FAF1: variants seen among roughly 807,000 people sequenced by gnomAD.
The protein encoded by FAF1 is FAS-associated factor 1.
In FAF1, 25 loss-of-function variants were observed where a neutral mutation model predicts 92.5. That is an observed-to-expected ratio of 0.27 (90% CI 0.20 to 0.38). The LOEUF (loss-of-function observed/expected upper bound fraction) is 0.38. Ranked by LOEUF, FAF1 falls within the 10% of genes least tolerant of loss-of-function variation. FAF1 has a pLI of 1.00. For missense variants in FAF1, 636 were observed against 793.3 expected (o/e 0.80, Z 2.38); for synonymous variants, 234 against 273.2 (o/e 0.86, Z 1.42).
chr1:50,809,718 T>C (rs1569983698), intron 2 of FAF1, among the ~76,000 whole-genome samples: 1 of 152,174 alleles, frequency 6.6e-6, no homozygotes, highest in African/African-American at 2.4e-5. Context: ...CCATTCTTAG[T>C]GAAACTATTC....
At chr1:50,720,478 C>T (rs1658362278) in intron 6 of FAF1, among the ~76,000 whole-genome samples, 1 of 152,116 alleles carries the variant, frequency 6.6e-6, no homozygotes, top group Non-Finnish European at 1.5e-5. Context: ...GTTCTAATTA[C>T]AATACTGATA....
chr1:50,864,746 A>C (rs1234626869), intron 1 of FAF1, among the ~76,000 whole-genome samples: 2 of 152,176 alleles, frequency 1.3e-5, no homozygotes, highest in Admixed American at 1.3e-4. Context: ...CCTAGAAGAA[A>C]ACCTAGGCAT....
chr1:50,642,167 C>T (rs1172836913), intron 8 of FAF1, among the ~76,000 whole-genome samples: 1 of 147,002 alleles, frequency 6.8e-6, no homozygotes, highest in African/African-American at 2.5e-5. Context: ...TGTGCCACTG[C>T]ACTTCAGCCT....
At chr1:50,951,137 G>A (rs1000063780) in intron 1 of FAF1, among the ~76,000 whole-genome samples, 1 of 152,226 alleles carries the variant, frequency 6.6e-6, no homozygotes, top group Non-Finnish European at 1.5e-5. Flanking sequence ...AGGAGGCTAA[G>A]GCAGGAGAAC....
At chr1:50,500,034 GATAA>G (rs1646964572) in intron 15 of FAF1, among the ~76,000 whole-genome samples, 2 of 152,110 alleles carry the variant, frequency 1.3e-5, no homozygotes, top group Non-Finnish European at 2.9e-5. Flanking sequence ...TAAATGGAGA[GATAA>G]ATAAGTCATT....
rs985747917 is a variant in FAF1 at position 50,642,329 on chromosome 1, G to A, written c.744+13113C>T. Among the ~76,000 whole-genome samples the A allele has an allele frequency of 3.3e-5, 5 of 151,834 alleles. No homozygotes were observed. The South Asian group carries it at 1.0e-3, about 32-fold the overall frequency. ...CTTGTTTAGTGGAAGAATGTTAAAAGTAGATCAACCTATTGTTCTCATTTA... is the reference window on the plus strand; with the variant it reads ...CTTGTTTAGTGGAAGAATGTTAAAAATAGATCAACCTATTGTTCTCATTTA... On this transcript the variant is annotated intron_variant, in intron 8 of 18. Transcript: ENST00000396153.
chr1:50,727,816 GCTCCAAGTTCAGA>G (rs1658726194), intron 6 of FAF1, among the ~76,000 whole-genome samples: 1 of 152,184 alleles, frequency 6.6e-6, no homozygotes, highest in African/African-American at 2.4e-5. Flanking sequence ...AAGTTCTTCA[GCTCCAAGTTCAGA>G]CTCCAAGTTC....
intron 9 of FAF1, among the ~76,000 whole-genome samples, chr1:50,587,366 T>C (rs569283547): frequency 6.6e-6 from 1 of 152,152 alleles, no homozygotes; most frequent in Non-Finnish European, 1.5e-5. Context: ...GCCAATTTTG[T>C]TGAAAAAAGT....
chr1:50,499,983 G>C (rs867388956), intron 15 of FAF1, among the ~76,000 whole-genome samples: 12 of 152,152 alleles, frequency 7.9e-5, no homozygotes, highest in Middle Eastern at 3.4e-3. Context: ...TCTGTATGTC[G>C]AACATCATAA....
intron 4 of FAF1, among the ~76,000 whole-genome samples, chr1:50,771,111 T>C (rs1457224671): frequency 6.6e-6 from 1 of 152,096 alleles, no homozygotes; most frequent in African/African-American, 2.4e-5. Flanking sequence ...TTAAGATGGA[T>C]TAAAGACTCA....
intron 15 of FAF1, among the ~76,000 whole-genome samples, chr1:50,501,277 C>A (rs999922304): frequency 6.6e-6 from 1 of 152,104 alleles, no homozygotes; most frequent in South Asian, 2.1e-4. Flanking sequence ...ATAAGCATGT[C>A]GAAAAATAAA....
At chr1:50,742,337 A>C (rs111628348) in intron 5 of FAF1, among the ~76,000 whole-genome samples, 1,650 of 142,706 alleles carry the variant, frequency 0.012, 32 homozygotes, top group African/African-American at 0.038. Flanking sequence ...AGAAGAAGAA[A>C]GAAGTAAATT....
At chr1:50,815,402 C>T (rs1179235643) in intron 2 of FAF1, among the ~76,000 whole-genome samples, 1 of 152,164 alleles carries the variant, frequency 6.6e-6, no homozygotes, top group Non-Finnish European at 1.5e-5. Context: ...TAATTTCATT[C>T]TTTTTTATGG....
At chr1:50,830,808 C>A (rs936261197) in intron 2 of FAF1, among the ~76,000 whole-genome samples, 3 of 151,828 alleles carry the variant, frequency 2.0e-5, no homozygotes, top group African/African-American at 7.3e-5. Context: ...TGAAATGATG[C>A]CAACTGATCC....
intron 4 of FAF1, among the ~76,000 whole-genome samples, chr1:50,749,871 G>T (rs758653663): frequency 6.6e-6 from 1 of 151,784 alleles, no homozygotes; most frequent in South Asian, 2.1e-4. Context: ...CAAACACTTC[G>T]TTGGGTTGCT....
At chr1:50,880,337 A>G (rs1390723747) in intron 1 of FAF1, among the ~76,000 whole-genome samples, 1 of 152,220 alleles carries the variant, frequency 6.6e-6, no homozygotes, top group Admixed American at 6.5e-5. Flanking sequence ...GGATTTTGTA[A>G]GAGTATCATG....
intron 7 of FAF1, among the ~76,000 whole-genome samples, chr1:50,672,489 C>T (rs1416611058): frequency 3.3e-5 from 5 of 151,626 alleles, no homozygotes; most frequent in East Asian, 1.9e-4. Flanking sequence ...CGCCATGTTG[C>T]GCAGGCTGGT....
rs1255228707 is a variant in FAF1, at chr1:50,918,655, G to A, written c.45+41112C>T. On this transcript the variant is annotated intron_variant, in intron 1 of 18. Transcript: ENST00000396153. ...GTGAATAGTGCCGCAATAAACATAC[G>A]TGTGCATGTGTCTTTATAGCAGCAT... Among the ~76,000 whole-genome samples, 6 of 67,536 alleles carry A rather than the reference G, an allele frequency of 8.9e-5. No homozygotes were observed. In the East Asian group the frequency reaches 1.0e-3, roughly 12 times the overall value. 44.3% of individuals were successfully genotyped at this position (67,536 alleles called of 152,430 possible). A position where few individuals can be genotyped will look rare whatever the true frequency, so the allele number is the denominator to read the frequency against.
chr1:50,695,832 A>G (rs1657182106), intron 7 of FAF1, among the ~76,000 whole-genome samples: 1 of 151,604 alleles, frequency 6.6e-6, no homozygotes, highest in Non-Finnish European at 1.5e-5. Context: ...TACTTTTAGT[A>G]GAGACAGGGT....
Sources: allele counts gnomAD v4.1 joint callset (sites outside exome capture counted in the v4.1 genomes callset), GRCh38; gene constraint gnomAD v4.1.1; transcripts MANE v1.5; gene names NCBI Gene and HGNC (gene_info 2026-07-23, HGNC 2026-07-21).